The following PDS5B variants were observed in gnomAD, a reference collection of about 807,000 sequenced individuals.
PDS5B encodes sister chromatid cohesion protein PDS5 homolog B.
In PDS5B, 51 loss-of-function variants were observed where a neutral mutation model predicts 184.1. The ratio of observed to expected loss-of-function variants is 0.28; its 90% CI spans 0.22 to 0.35. The LOEUF (loss-of-function observed/expected upper bound fraction) is 0.35, where lower values mean the gene tolerates loss of function less well. PDS5B is among the 10% of genes least tolerant of loss of function. The pLI is 1.00. For synonymous variants in PDS5B, 566 were observed against 569.2 expected, an observed-to-expected ratio of 0.99 and a Z score of 0.08; for missense variants, 1,180 against 1,723.3, an observed-to-expected ratio of 0.68 and a Z score of 5.58.
chr13:32,656,716 C>T (rs1593352919), intron 3 of PDS5B, among the ~76,000 whole-genome samples: 1 of 152,034 alleles, frequency 6.6e-6, no homozygotes, highest in Middle Eastern at 3.4e-3. Context: ...CCTGTCTCAG[C>T]CTCCTGAGTA....
intron 33 of PDS5B, 195 bp downstream of exon 33, chr13:32,770,956 G>T: frequency 1.7e-6 from 1 of 573,636 alleles, no homozygotes; most frequent in Non-Finnish European, 3.1e-6. Context: ...ACAGGTGCAG[G>T]CAAATCTTCA....
At chr13:32,699,282 T>C (rs530709578) in intron 15 of PDS5B, among the ~76,000 whole-genome samples, 1 of 152,280 alleles carries the variant, frequency 6.6e-6, no homozygotes, top group African/African-American at 2.4e-5. Context: ...GCTAGATACA[T>C]GCATGTATAT....
chr13:32,676,284 A>T (rs1443576261), intron 9 of PDS5B, among the ~76,000 whole-genome samples: 1 of 152,176 alleles, frequency 6.6e-6, no homozygotes, highest in East Asian at 1.9e-4. Context: ...TCTACAAATT[A>T]ATTACAATTA....
intron 5 of PDS5B, among the ~76,000 whole-genome samples, chr13:32,658,877 GA>G (rs912321601): frequency 9.2e-5 from 14 of 152,016 alleles, no homozygotes; most frequent in African/African-American, 3.4e-4. Flanking sequence ...TCAATTTTCT[GA>G]ATTTAAGGCA....
chr13:32,732,068 GT>G, intron 19 of PDS5B, 32 bp from the exon 20 acceptor site: 2 of 1,560,190 alleles, frequency 1.3e-6, no homozygotes. Flanking sequence ...GATTTTTCTG[GT>G]TTATTGTTTT....
rs933219584 is a variant in PDS5B at position 32,621,233 on chromosome 13, GCAGA to G, written c.-19-27516_-19-27513del. Among the ~76,000 whole-genome samples the G allele has an allele frequency of 2.0e-5, 3 of 152,338 alleles. No individual in the cohort carries two copies. The East Asian group carries it at 5.8e-4, about 29-fold the overall frequency. ...AATCCCAGCACTCTGGGAGGCCAAG[GCAGA>G]CAGATCACTTGAGCTCAGGAGTTTG... On this transcript the variant is annotated intron_variant, in intron 1 of 34. Coordinates refer to ENST00000315596, the MANE Select transcript of PDS5B (RefSeq NM_015032.4).
At chr13:32,611,337 C>G (rs954727090) in intron 1 of PDS5B, among the ~76,000 whole-genome samples, 20 of 151,854 alleles carry the variant, frequency 1.3e-4, no homozygotes, top group African/African-American at 4.8e-4. Context: ...ATGCCTGTTG[C>G]TTTTGGTTTA....
In PDS5B at chr13:32,683,927, T is replaced by C; in HGVS notation, c.1107T>C (p.Asp369=). ...ACCCTGAGGAAGCTATTAGACATGATGTTATTGTGTCAATAGTTACAGCTG... is the reference window on the plus strand; with the variant it reads ...ACCCTGAGGAAGCTATTAGACATGACGTTATTGTGTCAATAGTTACAGCTG... The part of the protein sequence containing the change: ...SHDPEEAIRH[D]VIVSIVTAAK... The change falls in exon 11 of 35, where the codon GAT becomes GAC. Residue 369 remains aspartate, a synonymous_variant. Coordinates refer to ENST00000315596, the MANE Select transcript of PDS5B (RefSeq NM_015032.4). The C allele has an allele frequency of 6.3e-7, 1 of 1,595,540 alleles. No homozygotes were observed. Among genetic ancestry groups the C allele is most frequent in the Non-Finnish European group, 8.6e-7 (1 of 1,164,098 alleles).
chr13:32,742,100 G>A (rs1239142633), intron 22 of PDS5B, among the ~76,000 whole-genome samples: 1 of 152,114 alleles, frequency 6.6e-6, no homozygotes, highest in Non-Finnish European at 1.5e-5. Context: ...ATATGTGAAA[G>A]ATAATTTGTA....
Position 32,773,173 on chromosome 13 carries a change from A to C in PDS5B, c.4173-16A>C, listed in dbSNP as rs1230880435. The C allele has an allele frequency of 1.3e-6, 2 of 1,580,918 alleles. No homozygotes were observed. The highest frequency in any genetic ancestry group is 3.4e-4 in the Middle Eastern group (2 of 5,890). ...GATTGGAACGTTCATTGTGTTTTAC[A>C]TGTGTTTTACTCTAGCCGTGTAGGA... On this transcript the variant is annotated splice_polypyrimidine_tract_variant and intron_variant, in intron 33 of 34. Coordinates refer to ENST00000315596, the MANE Select transcript of PDS5B (RefSeq NM_015032.4).
At chr13:32,725,195 T>G (rs1045877329) in intron 19 of PDS5B, among the ~76,000 whole-genome samples, 4 of 152,210 alleles carry the variant, frequency 2.6e-5, no homozygotes, top group African/African-American at 9.6e-5. Context: ...ATTTTTTGAA[T>G]GTTATTTAGT....
At chr13:32,759,592 A>C in intron 28 of PDS5B, 36 bp from the exon 29 acceptor site, 1 of 1,145,354 alleles carries the variant, frequency 8.7e-7, no homozygotes, top group East Asian at 2.4e-5. Context: ...TAGTGTTTTA[A>C]TATTCACTGA....
intron 24 of PDS5B, among the ~76,000 whole-genome samples, chr13:32,749,838 C>G (rs1473565794): frequency 6.6e-6 from 1 of 150,804 alleles, no homozygotes; most frequent in African/African-American, 2.4e-5. Flanking sequence ...TCTGGGGGGG[C>G]GGGGACATTT....
chr13:32,687,835 G>T (rs145220243), intron 12 of PDS5B, among the ~76,000 whole-genome samples: 1 of 152,070 alleles, frequency 6.6e-6, no homozygotes, highest in African/African-American at 2.4e-5. Context: ...TAGGTTATTA[G>T]TGGAGACCAA....
chr13:32,653,755 C>T (rs1256728480), intron 3 of PDS5B, among the ~76,000 whole-genome samples: 1 of 152,158 alleles, frequency 6.6e-6, no homozygotes, highest in African/African-American at 2.4e-5. Flanking sequence ...ATGTGAATTT[C>T]TCATTTGGAG....
At chr13:32,684,107 CA>C (rs1771158925) in intron 11 of PDS5B, 84 bp downstream of exon 11, 1 of 610,388 alleles carries the variant, frequency 1.6e-6, no homozygotes, top group Non-Finnish European at 2.5e-6. Flanking sequence ...TTTAAATATA[CA>C]TATTTAAATA....
At chr13:32,650,048 A>G (rs988508789) in intron 2 of PDS5B, 8 of 152,330 alleles carry the variant, frequency 5.3e-5, no homozygotes, top group Middle Eastern at 3.4e-3. Context: ...TCTTGAACTC[A>G]GAGCCTACAC....
intron 19 of PDS5B, among the ~76,000 whole-genome samples, chr13:32,713,214 C>T (rs118102804): frequency 0.012 from 1,759 of 152,276 alleles, 17 homozygotes; most frequent in Non-Finnish European, 0.017. Flanking sequence ...GCAACTGTAG[C>T]CTGAGTTGGG....
chr13:32,732,362 A>G, intron 20 of PDS5B, 138 bp downstream of exon 20: 2 of 632,464 alleles, frequency 3.2e-6, no homozygotes, highest in East Asian at 3.0e-5. Flanking sequence ...TAAAATCAAC[A>G]TTGATAAGTG....
Sources: allele counts gnomAD v4.1 joint callset (sites outside exome capture counted in the v4.1 genomes callset), GRCh38; gene constraint gnomAD v4.1.1; transcripts MANE v1.5; gene names NCBI Gene and HGNC (gene_info 2026-07-23, HGNC 2026-07-21).